Variants in NRG3 observed in about 807,000 individuals in gnomAD.
NRG3 encodes pro-neuregulin-3, membrane-bound isoform.
Under a neutral mutation model 66.9 loss-of-function variants are expected in NRG3, and 31 were observed. The observed-to-expected ratio is 0.46, with a 90% CI of 0.35 to 0.63. The LOEUF is 0.63. NRG3 is among the 20% of genes least tolerant of loss of function. The pLI is 0.00. For synonymous variants in NRG3, 393 were observed against 359.4 expected (o/e 1.09, Z -1.06); for missense variants, 910 against 878.9 (o/e 1.04, Z -0.45).
In NRG3 at chr10:82,879,725, C is replaced by A. The variant is rs187441601; in HGVS notation, c.1054+14288C>A. 6.9e-3 allele frequency among the ~76,000 whole-genome samples: 1,053 copies of A among 152,112 alleles called. 14 individuals are homozygous for A. Among genetic ancestry groups the A allele is most frequent in the African/African-American group, 0.02 (842 of 41,510 alleles). ...TCTCCTGACCTCATGATCCGCCCTCCTCGGCCTCCCAAAGTGCTGGGATTA... is the reference window on the plus strand; with the variant it reads ...TCTCCTGACCTCATGATCCGCCCTCATCGGCCTCCCAAAGTGCTGGGATTA... On this transcript the variant is annotated intron_variant, in intron 4 of 8. Transcript: ENST00000372141.
At chr10:82,154,115 G>T (rs1052810259) in intron 1 of NRG3, among the ~76,000 whole-genome samples, 3 of 151,974 alleles carry the variant, frequency 2.0e-5, no homozygotes, top group Non-Finnish European at 4.4e-5. Flanking sequence ...TGTTGCCTAT[G>T]CTTTTGGGGT....
chr10:82,354,078 A>G (rs1157620570), intron 1 of NRG3, among the ~76,000 whole-genome samples: 1 of 138,586 alleles, frequency 7.2e-6, no homozygotes, highest in Non-Finnish European at 1.5e-5. Context: ...TGTCTCAAAC[A>G]GGCTGGGGTG....
chr10:82,171,725 A>G (rs1405479439), intron 1 of NRG3, among the ~76,000 whole-genome samples: 1 of 152,120 alleles, frequency 6.6e-6, no homozygotes, highest in Non-Finnish European at 1.5e-5. Flanking sequence ...TTACATAACC[A>G]AAATTGCTTC....
Position 82,166,937 on chromosome 10 carries a change from T to C in NRG3, c.824-191802T>C, listed in dbSNP as rs749391580. ...TTAAAGATGTGCTTGACTGTCTTCT[T>C]GCTCGCATTATTTTGATAAGAAATC... On this transcript the variant is annotated intron_variant, in intron 1 of 8. Coordinates refer to ENST00000372141, the MANE Select transcript of NRG3 (RefSeq NM_001010848.4). 7 of 476,284 alleles carry C rather than the reference T, an allele frequency of 1.5e-5. No individual in the cohort carries two copies. In the South Asian group the frequency reaches 2.5e-4, roughly 17 times the overall value. The allele number at this position is 476,284 out of a possible 1,614,324, so 29.5% of individuals were successfully genotyped here.
intron 1 of NRG3, among the ~76,000 whole-genome samples, chr10:82,131,651 G>C (rs969495905): frequency 1.3e-5 from 2 of 152,002 alleles, no homozygotes; most frequent in Non-Finnish European, 2.9e-5. Flanking sequence ...TAACAATACT[G>C]ATTCTTGCAA....
intron 1 of NRG3, among the ~76,000 whole-genome samples, chr10:81,912,097 C>G (rs1365363037): frequency 6.6e-6 from 1 of 152,056 alleles, no homozygotes; most frequent in Non-Finnish European, 1.5e-5. Flanking sequence ...ACTTCTTTTT[C>G]TTTTTCCTTA....
chr10:82,949,602 C>T (rs1398229237), intron 4 of NRG3, among the ~76,000 whole-genome samples: 2 of 152,204 alleles, frequency 1.3e-5, no homozygotes, highest in Admixed American at 6.5e-5. Flanking sequence ...CACCTGTAAT[C>T]CCAGCACTTT....
At chr10:82,835,481 G>C (rs1316549745) in intron 3 of NRG3, among the ~76,000 whole-genome samples, 1 of 152,152 alleles carries the variant, frequency 6.6e-6, no homozygotes, top group Non-Finnish European at 1.5e-5. Flanking sequence ...TGAACAAAGA[G>C]AAAGAGATGA....
At chr10:82,222,424 G>T (rs1358125138) in intron 1 of NRG3, among the ~76,000 whole-genome samples, 1 of 152,036 alleles carries the variant, frequency 6.6e-6, no homozygotes, top group African/African-American at 2.4e-5. Flanking sequence ...ATTCCATATG[G>T]GACAGACAGT....
chr10:82,731,733 G>A (rs940602711), intron 2 of NRG3, among the ~76,000 whole-genome samples: 7 of 152,100 alleles, frequency 4.6e-5, no homozygotes, highest in African/African-American at 7.2e-5. Flanking sequence ...TGATATAAGC[G>A]TAGGAATGTA....
intron 1 of NRG3, among the ~76,000 whole-genome samples, chr10:82,001,266 G>A (rs1325693758): frequency 2.0e-5 from 3 of 151,932 alleles, no homozygotes; most frequent in Non-Finnish European, 2.9e-5. Flanking sequence ...ACTTTGGGAG[G>A]CCAAGATGGG....
chr10:81,913,084 G>GA (rs35922207), intron 1 of NRG3, among the ~76,000 whole-genome samples: 66,699 of 151,856 alleles, frequency 0.44, 17,935 homozygotes, highest in East Asian at 0.81. Flanking sequence ...GACCATTGGG[G>GA]AAAAAAAGTC....
In NRG3 at chr10:82,031,435, C is replaced by T. The variant is rs78421900; in HGVS notation, c.823+155272C>T. On this transcript the variant is annotated intron_variant, in intron 1 of 8. Coordinates refer to ENST00000372141, the MANE Select transcript of NRG3 (RefSeq NM_001010848.4). ...TATCCTTAGTTACTGCTAATAATTT[C>T]AAGGTTATACAGATAGAAATTACTT... Among the ~76,000 whole-genome samples the T allele has an allele frequency of 8.4e-3, 1,281 of 152,148 alleles. 11 individuals are homozygous for T. Among genetic ancestry groups the T allele is most frequent in the South Asian group, 0.02 (95 of 4,822 alleles).
chr10:82,238,935 A>G (rs2076883999), intron 1 of NRG3, among the ~76,000 whole-genome samples: 1 of 91,948 alleles, frequency 1.1e-5, no homozygotes, highest in African/African-American at 4.1e-5. Context: ...TATAATATTT[A>G]TATAATATAT....
chr10:82,883,950 T>C (rs1024140885), intron 4 of NRG3, among the ~76,000 whole-genome samples: 2 of 151,994 alleles, frequency 1.3e-5, no homozygotes, highest in Non-Finnish European at 2.9e-5. Flanking sequence ...TAGTTTTTTT[T>C]TTTTTCCTCT....
At chr10:82,874,560 A>G (rs958533673) in intron 4 of NRG3, among the ~76,000 whole-genome samples, 1 of 152,086 alleles carries the variant, frequency 6.6e-6, no homozygotes, top group Non-Finnish European at 1.5e-5. Context: ...AAAAGAGTTT[A>G]GTTTTGCTAG....
chr10:82,619,942 C>G (rs752238451), intron 2 of NRG3, among the ~76,000 whole-genome samples: 4 of 152,166 alleles, frequency 2.6e-5, no homozygotes, highest in Non-Finnish European at 4.4e-5. Flanking sequence ...GTTATGGCAT[C>G]CCTAGCAAAC....
At chr10:82,716,517 C>G (rs2056983992) in intron 2 of NRG3, among the ~76,000 whole-genome samples, 1 of 152,086 alleles carries the variant, frequency 6.6e-6, no homozygotes, top group African/African-American at 2.4e-5. Context: ...GGCAGGTGGC[C>G]CCATCGAGGT....
At chr10:82,273,939 A>G (rs958448187) in intron 1 of NRG3, among the ~76,000 whole-genome samples, 3 of 151,946 alleles carry the variant, frequency 2.0e-5, no homozygotes, top group African/African-American at 7.2e-5. Context: ...CATTCCTCCC[A>G]AGTATCATTC....
Sources: gnomAD v4.1 joint callset for allele counts (sites outside exome capture counted in the v4.1 genomes callset) on GRCh38, gnomAD v4.1.1 for gene constraint, MANE v1.5 for transcripts, NCBI Gene and HGNC (gene_info 2026-07-23, HGNC 2026-07-21) for gene names.